Variants in CENPP observed in about 807,000 individuals in gnomAD.
The protein encoded by CENPP is centromere protein P.
A neutral mutation model predicts 35.6 loss-of-function variants in CENPP; 24 were observed. The observed-to-expected ratio is 0.67, with a 90% CI of 0.49 to 0.95. The LOEUF is 0.95. CENPP is among the 40% of genes least tolerant of loss of function. The pLI is 0.00. For missense variants in CENPP, 332 were observed against 345.3 expected (o/e 0.96, Z 0.31); for synonymous variants, 120 against 125.5 (o/e 0.96, Z 0.29).
chr9:92,516,370 A>G (rs1847722273), intron 5 of CENPP, among the ~76,000 whole-genome samples: 1 of 152,126 alleles, frequency 6.6e-6, no homozygotes, highest in South Asian at 2.1e-4. Context: ...GCCAGAGTGC[A>G]TACGTTTTCT....
At position 92,615,842 on chromosome 9, in the gene CENPP, T is replaced by C. The variant is rs139926387; in HGVS notation, c.*2693T>C. 1.2e-4 allele frequency: 190 copies of C among 1,612,354 alleles called. 1 individual carries two copies. The African/African-American group carries it at 1.7e-3, about 14-fold the overall frequency. ...ACTGCAGGGAAAGAGTTAGACCTTGTGGAGAACTAATGTGCAATCTTCGCT... is the reference window on the plus strand; with the variant it reads ...ACTGCAGGGAAAGAGTTAGACCTTGCGGAGAACTAATGTGCAATCTTCGCT... On this transcript the variant is annotated 3_prime_UTR_variant, in exon 8 of 8. Transcript: ENST00000375587.
intron 5 of CENPP, among the ~76,000 whole-genome samples, chr9:92,498,737 T>A (rs1846502200): frequency 6.6e-6 from 1 of 152,182 alleles, no homozygotes; most frequent in Non-Finnish European, 1.5e-5. Context: ...AACTTCAAGC[T>A]TTTATTATGA....
chr9:92,480,063 GT>G, intron 5 of CENPP, among the ~76,000 whole-genome samples: 1 of 152,118 alleles, frequency 6.6e-6, no homozygotes, highest in Non-Finnish European at 1.5e-5. Context: ...TACAACCTCT[GT>G]TTTATTAGTT....
At chr9:92,567,285 G>A (rs373794491) in intron 5 of CENPP, among the ~76,000 whole-genome samples, 63 of 149,776 alleles carry the variant, frequency 4.2e-4, no homozygotes, top group African/African-American at 1.4e-3. Context: ...TTCACTTTTC[G>A]TTTTCAACAT....
At chr9:92,571,249 A>G (rs1199159450) in intron 5 of CENPP, among the ~76,000 whole-genome samples, 42 of 152,222 alleles carry the variant, frequency 2.8e-4, no homozygotes, top group African/African-American at 9.6e-4. Flanking sequence ...ACACTGCTTT[A>G]AATGTGTCCC....
intron 5 of CENPP, chr9:92,403,091 G>A (rs1264424560): frequency 7.1e-6 from 4 of 562,976 alleles, no homozygotes; most frequent in Non-Finnish European, 1.2e-5. Flanking sequence ...TACAATCTTA[G>A]GGACAATTAT....
chr9:92,442,392 C>CT (rs1844420719), intron 5 of CENPP, among the ~76,000 whole-genome samples: 1 of 108,366 alleles, frequency 9.2e-6, no homozygotes, highest in Non-Finnish European at 1.8e-5. Context: ...GAGTGAAACT[C>CT]TGTCTCAAAA....
chr9:92,390,593 C>CGCGT (rs1419365860), intron 5 of CENPP, among the ~76,000 whole-genome samples: 1 of 144,372 alleles, frequency 6.9e-6, no homozygotes, highest in Non-Finnish European at 1.6e-5. Context: ...TGTGTGCGCG[C>CGCGT]GCGCGTACTT....
intron 5 of CENPP, among the ~76,000 whole-genome samples, chr9:92,534,178 C>T (rs1849030202): frequency 1.3e-5 from 2 of 152,178 alleles, no homozygotes; most frequent in African/African-American, 4.8e-5. Context: ...GTGTCTGTCC[C>T]ACCAGGAGCT....
At chr9:92,456,372 C>T (rs2131032437) in intron 5 of CENPP, 1 of 152,478 alleles carries the variant, frequency 6.6e-6, no homozygotes, top group East Asian at 1.9e-4. Context: ...AGATGTGTTT[C>T]TCAGAGTTAT....
intron 5 of CENPP, among the ~76,000 whole-genome samples, chr9:92,560,940 C>T (rs1215092598): frequency 2.1e-5 from 3 of 142,186 alleles, no homozygotes; most frequent in Non-Finnish European, 4.6e-5. Context: ...ACTTTTCTGA[C>T]TTTTTTTCTC....
chr9:92,492,355 T>C (rs1846194870), intron 5 of CENPP, among the ~76,000 whole-genome samples: 1 of 152,180 alleles, frequency 6.6e-6, no homozygotes, highest in Non-Finnish European at 1.5e-5. Context: ...TATTAAACAG[T>C]TACTGGAATA....
chr9:92,446,178 G>T lies in CENPP; in HGVS notation c.564+66319G>T, dbSNP rs954395842. Reference sequence around the variant, plus strand: ...AAGCCAAGGAATGGCATGTGCTTTTGTGCCTTAGCCTGAGTTGTCCCAGTG... The same window carrying T: ...AAGCCAAGGAATGGCATGTGCTTTTTTGCCTTAGCCTGAGTTGTCCCAGTG... On this transcript the variant is annotated intron_variant, in intron 5 of 7. Coordinates refer to ENST00000375587, the MANE Select transcript of CENPP (RefSeq NM_001012267.3). Among the ~76,000 whole-genome samples, 17 of 152,246 alleles carry T rather than the reference G, an allele frequency of 1.1e-4. No individual in the cohort carries two copies. The East Asian group carries it at 2.9e-3, about 26-fold the overall frequency.
Position 92,612,572 on chromosome 9 carries a change from G to C in CENPP, c.694G>C (p.Val232Leu), listed in dbSNP as rs1207194317. The change falls in exon 7 of 8, where the codon GTT (valine) becomes CTT (leucine). Residue 232 changes from valine to leucine, a missense_variant. By Grantham distance (32) the Val-to-Leu change is conservative (BLOSUM62 1). Coordinates refer to ENST00000375587, the MANE Select transcript of CENPP (RefSeq NM_001012267.3). ...WRIQIDEDGK[V>L]FPKLDLLTKV... ...GATACAAATAGATGAAGATGGGAAG[G>C]TTTTTCCAAAGCTGGATCTTCTCAC... is the stretch of plus-strand genomic sequence containing the variant. 6.2e-7 allele frequency: 1 copy of C among 1,614,032 alleles called. No homozygotes were observed. The highest frequency in any genetic ancestry group is 8.5e-7 in the Non-Finnish European group (1 of 1,180,030).
chr9:92,546,601 A>C (rs1013774388), intron 5 of CENPP, among the ~76,000 whole-genome samples: 1 of 151,418 alleles, frequency 6.6e-6, no homozygotes, highest in East Asian at 1.9e-4. Context: ...GAAGGAAAAA[A>C]CTCCGAACAC....
intron 5 of CENPP, among the ~76,000 whole-genome samples, chr9:92,383,294 A>G (rs1842307629): frequency 6.6e-6 from 1 of 152,040 alleles, no homozygotes; most frequent in Admixed American, 6.5e-5. Flanking sequence ...TCTTCTCTTT[A>G]TTTGGGGGTC....
At chr9:92,604,373 G>A (rs1248894027) in intron 5 of CENPP, among the ~76,000 whole-genome samples, 1 of 152,134 alleles carries the variant, frequency 6.6e-6, no homozygotes, top group Non-Finnish European at 1.5e-5. Flanking sequence ...TTTGCCCATT[G>A]TTTAAAATTG....
At chr9:92,345,661 A>C in intron 3 of CENPP, 38 bp from the exon 4 acceptor site, 1 of 1,146,450 alleles carries the variant, frequency 8.7e-7, no homozygotes, top group Non-Finnish European at 1.3e-6. Flanking sequence ...TTTGAAGTTT[A>C]CTGTGCTTTG....
chr9:92,513,379 G>A (rs1172949645), intron 5 of CENPP, among the ~76,000 whole-genome samples: 1 of 152,254 alleles, frequency 6.6e-6, no homozygotes, highest in East Asian at 1.9e-4. Flanking sequence ...AGCCACTTTA[G>A]AGAACTGTGG....
Sources: allele counts gnomAD v4.1 joint callset (sites outside exome capture counted in the v4.1 genomes callset), GRCh38; gene constraint gnomAD v4.1.1; transcripts MANE v1.5; gene names NCBI Gene and HGNC (gene_info 2026-07-23, HGNC 2026-07-21).